Variants in DCC observed in about 807,000 individuals in gnomAD.
The protein encoded by DCC is netrin receptor DCC.
DCC carries 58 observed loss-of-function variants against 172.5 expected under a neutral mutation model. That is an observed-to-expected ratio of 0.34 (90% CI 0.27 to 0.42). The LOEUF (loss-of-function observed/expected upper bound fraction) is 0.42, where lower values mean the gene tolerates loss of function less well. Among genes scored for constraint, DCC ranks in the 10% least tolerant of loss-of-function variants. The pLI is 1.00. For synonymous variants in DCC, 709 were observed against 644.5 expected, an observed-to-expected ratio of 1.10 and a Z score of -1.52; for missense variants, 1,740 against 1,791.0, an observed-to-expected ratio of 0.97 and a Z score of 0.51.
At chr18:53,211,554 T>C (rs1281202525) in intron 11 of DCC, among the ~76,000 whole-genome samples, 1 of 151,998 alleles carries the variant, frequency 6.6e-6, no homozygotes, top group African/African-American at 2.4e-5. Flanking sequence ...AAACCCACTC[T>C]CTACTAAAAA....
chr18:52,977,567 G>C (rs1033710444), intron 5 of DCC, among the ~76,000 whole-genome samples: 1 of 152,110 alleles, frequency 6.6e-6, no homozygotes, highest in African/African-American at 2.4e-5. Context: ...GTGTATCCTA[G>C]GGGCTATTAG....
At chr18:53,249,243 TG>T (rs2056400003) in intron 12 of DCC, among the ~76,000 whole-genome samples, 2 of 152,002 alleles carry the variant, frequency 1.3e-5, no homozygotes, top group South Asian at 4.1e-4. Flanking sequence ...TAAAAGTATG[TG>T]TTTTTTTTAT....
At chr18:52,731,294 A>T (rs922894837) in intron 1 of DCC, among the ~76,000 whole-genome samples, 3 of 152,206 alleles carry the variant, frequency 2.0e-5, no homozygotes, top group African/African-American at 7.2e-5. Flanking sequence ...TAAAGAGTTC[A>T]CTCCAAAGTA....
chr18:53,351,303 A>ATATACAGTG (rs2057791996), intron 15 of DCC, among the ~76,000 whole-genome samples: 1 of 29,826 alleles, frequency 3.4e-5, no homozygotes, highest in Admixed American at 6.0e-4. Context: ...ATATATATAT[A>ATATACAGTG]TATATATATA....
At chr18:53,005,526 A>C (rs1294019761) in intron 5 of DCC, among the ~76,000 whole-genome samples, 1 of 152,160 alleles carries the variant, frequency 6.6e-6, no homozygotes, top group Non-Finnish European at 1.5e-5. Flanking sequence ...TGAGGTTAGG[A>C]GTTCAAGGCC....
At chr18:53,527,521 T>TA (rs897944914) in intron 28 of DCC, among the ~76,000 whole-genome samples, 6 of 151,680 alleles carry the variant, frequency 4.0e-5, no homozygotes, top group Admixed American at 1.3e-4. Context: ...AAATATAAAA[T>TA]AAAAAAATTG....
chr18:53,309,926 A>G (rs1254228194), intron 13 of DCC, among the ~76,000 whole-genome samples: 5,252 of 77,722 alleles, frequency 0.068, 292 homozygotes, highest in African/African-American at 0.16. Flanking sequence ...GTGCGTGTAT[A>G]TATATATATA....
chr18:52,823,462 T>G (rs1224495584), intron 2 of DCC, among the ~76,000 whole-genome samples: 1 of 152,168 alleles, frequency 6.6e-6, no homozygotes, highest in Admixed American at 6.5e-5. Context: ...ATATTTGGCC[T>G]AATTTCTTCT....
intron 1 of DCC, among the ~76,000 whole-genome samples, chr18:52,499,946 A>C (rs750245224): frequency 1.3e-5 from 2 of 152,106 alleles, no homozygotes; most frequent in Non-Finnish European, 2.9e-5. Context: ...TAAATCCTAT[A>C]TATCATCTCA....
chr18:53,335,325 A>C (rs1037777582), intron 14 of DCC, among the ~76,000 whole-genome samples: 2 of 152,126 alleles, frequency 1.3e-5, no homozygotes, highest in African/African-American at 4.8e-5. Flanking sequence ...CGATTGTCTT[A>C]TTTGTTTATT....
At chr18:52,461,720 G>T (rs1189435419) in intron 1 of DCC, among the ~76,000 whole-genome samples, 1 of 152,166 alleles carries the variant, frequency 6.6e-6, no homozygotes, top group African/African-American at 2.4e-5. Context: ...CATGACTGTA[G>T]CTCAGGACTC....
At chr18:53,152,978 G>C (rs1199877521) in intron 7 of DCC, among the ~76,000 whole-genome samples, 1 of 152,202 alleles carries the variant, frequency 6.6e-6, no homozygotes, top group African/African-American at 2.4e-5. Context: ...ACTCCCTGAA[G>C]CCTAAGGAGA....
intron 5 of DCC, among the ~76,000 whole-genome samples, chr18:52,939,731 T>TTCATCA (rs1208568000): frequency 2.0e-5 from 3 of 151,946 alleles, no homozygotes; most frequent in African/African-American, 7.3e-5. Flanking sequence ...TATCATCATT[T>TTCATCA]TCATCATCAT....
At chr18:53,093,717 A>G (rs7506909) in intron 7 of DCC, among the ~76,000 whole-genome samples, 88,030 of 152,156 alleles carry the variant, frequency 0.58, 27,107 homozygotes, top group African/African-American at 0.7. Flanking sequence ...TTGCCAGCAC[A>G]GGCTGATTGG....
intron 9 of DCC, among the ~76,000 whole-genome samples, chr18:53,193,320 C>T (rs2055393647): frequency 6.6e-6 from 1 of 151,964 alleles, no homozygotes; most frequent in Admixed American, 6.6e-5. Context: ...CCATATTAGA[C>T]TGTGAGTTCT....
At chr18:52,936,867 T>C (rs1420383784) in intron 5 of DCC, among the ~76,000 whole-genome samples, 2 of 152,224 alleles carry the variant, frequency 1.3e-5, no homozygotes, top group Non-Finnish European at 2.9e-5. Flanking sequence ...TGGTTGCCAA[T>C]TTTCAAAGAC....
At chr18:53,028,929 C>G (rs1471149476) in intron 5 of DCC, among the ~76,000 whole-genome samples, 1 of 152,108 alleles carries the variant, frequency 6.6e-6, no homozygotes, top group Non-Finnish European at 1.5e-5. Context: ...TAGAAAGTTT[C>G]CCAGTTTTTT....
intron 1 of DCC, among the ~76,000 whole-genome samples, chr18:52,715,216 T>C (rs1599041486): frequency 6.6e-6 from 1 of 151,226 alleles, no homozygotes; most frequent in South Asian, 2.1e-4. Context: ...ATCATGTATA[T>C]ATAAAATATA....
intron 1 of DCC, among the ~76,000 whole-genome samples, chr18:52,501,951 C>T (rs1400088080): frequency 3.3e-5 from 5 of 152,136 alleles, no homozygotes; most frequent in South Asian, 2.1e-4. Context: ...TCTGTCTCTC[C>T]AGGGCCCACA....
Sources: allele counts gnomAD v4.1 joint callset (sites outside exome capture counted in the v4.1 genomes callset), GRCh38; gene constraint gnomAD v4.1.1; transcripts MANE v1.5; gene names NCBI Gene and HGNC (gene_info 2026-07-23, HGNC 2026-07-21).